The following ADCY1 variants were observed in gnomAD, a reference collection of about 807,000 sequenced individuals.
ADCY1 encodes adenylate cyclase type 1.
A neutral mutation model predicts 105.4 loss-of-function variants in ADCY1; 28 were observed. The observed-to-expected ratio is 0.27, with a 90% CI of 0.20 to 0.36. The LOEUF (loss-of-function observed/expected upper bound fraction) is 0.36, where lower values mean the gene tolerates loss of function less well. Among genes scored for constraint, ADCY1 ranks in the 10% least tolerant of loss-of-function variants. The pLI, the probability that ADCY1 is intolerant of heterozygous loss-of-function variation, is 1.00. For missense variants in ADCY1, 977 were observed against 1,434.2 expected, an observed-to-expected ratio of 0.68 and a Z score of 5.15; for synonymous variants, 655 against 623.8, an observed-to-expected ratio of 1.05 and a Z score of -0.75.
intron 17 of ADCY1, among the ~76,000 whole-genome samples, chr7:45,705,839 A>C (rs965037839): frequency 6.6e-6 from 1 of 152,212 alleles, no homozygotes; most frequent in East Asian, 1.9e-4. Context: ...CCTGGAACTA[A>C]GAAGCAATTA....
intron 8 of ADCY1, among the ~76,000 whole-genome samples, chr7:45,668,445 A>G (rs953658784): frequency 4.6e-5 from 7 of 152,190 alleles, no homozygotes; most frequent in African/African-American, 1.4e-4. Context: ...TGATTTGTGT[A>G]TGTTGAACCA....
Position 45,662,045 on chromosome 7 carries a change from G to C in ADCY1, c.1450-14G>C. Reference sequence around the variant, plus strand: ...TTCACAGCATTTCTCCTTGCCCCTTGTGTGTTTGGACAGATATTTCCAGGC... The same window carrying C: ...TTCACAGCATTTCTCCTTGCCCCTTCTGTGTTTGGACAGATATTTCCAGGC... On this transcript the variant is annotated splice_polypyrimidine_tract_variant and intron_variant, in intron 7 of 19. Coordinates refer to ENST00000297323, the MANE Select transcript of ADCY1 (RefSeq NM_021116.4). 1 of 1,611,300 alleles carries C rather than the reference G, an allele frequency of 6.2e-7. No individual in the cohort carries two copies. The highest frequency in any genetic ancestry group is 1.7e-5 in the Admixed American group (1 of 59,890).
chr7:45,578,176 A>G (rs868855556), intron 1 of ADCY1, among the ~76,000 whole-genome samples: 6 of 152,260 alleles, frequency 3.9e-5, no homozygotes, highest in Admixed American at 2.0e-4. Context: ...GTGCATGACT[A>G]TTAGCACAGG....
At chr7:45,694,128 A>C (rs1346678563) in intron 14 of ADCY1, among the ~76,000 whole-genome samples, 5 of 150,976 alleles carry the variant, frequency 3.3e-5, no homozygotes, top group Admixed American at 6.6e-5. Flanking sequence ...AAAAAAAAAA[A>C]AAAAAAAAAC....
At chr7:45,624,023 G>A (rs1793980928) in intron 4 of ADCY1, among the ~76,000 whole-genome samples, 1 of 152,214 alleles carries the variant, frequency 6.6e-6, no homozygotes, top group Non-Finnish European at 1.5e-5. Flanking sequence ...GTGAGAGGAA[G>A]GGGCAGTGAG....
rs770379093 is a variant in ADCY1 at position 45,692,129 on chromosome 7, C to A, written c.2454+5456C>A. ...ATCCTGCAGCACACTTCTATGGAAA[C>A]CTCCGAGGAGCCAAACCTTGGTGCG... is the stretch of plus-strand genomic sequence containing the variant. On this transcript the variant is annotated intron_variant, in intron 14 of 19. Coordinates refer to ENST00000297323, the MANE Select transcript of ADCY1 (RefSeq NM_021116.4). Among the ~76,000 whole-genome samples the A allele has an allele frequency of 3.5e-4, 54 of 152,192 alleles. 1 individual carries two copies. Among genetic ancestry groups the A allele is most frequent in the Non-Finnish European group, 1.3e-4 (9 of 68,030 alleles).
Position 45,647,985 on chromosome 7 carries a change from G to A in ADCY1, c.1021-685G>A, listed in dbSNP as rs926896952. On this transcript the variant is annotated intron_variant, in intron 4 of 19. Coordinates refer to ENST00000297323, the MANE Select transcript of ADCY1 (RefSeq NM_021116.4). This position sits in a 1 kb window ranked among gnomAD's most constrained non-coding sequence, Gnocchi z 4.6. ...CTGAAATAAACACAACAGTCGTGAT[G>A]ATAATCCCAGTTGACACTGATTGAT... Among the ~76,000 whole-genome samples the A allele has an allele frequency of 6.6e-6, 1 of 152,232 alleles. No individual in the cohort carries two copies. The highest frequency in any genetic ancestry group is 2.4e-5 in the African/African-American group (1 of 41,472).
At position 45,712,024 on chromosome 7, in the gene ADCY1, T is replaced by TTATATTAAATATATATTTTATATAA. The variant is rs1562736169; in HGVS notation, c.3057+1376_3057+1377insTTAAATATATATTTTATATAATATA. Reference sequence around the variant, plus strand: ...TTATATTAAATATATATTTTATATATTATACTAAATATATATTTTATATAA... The same window carrying TTATATTAAATATATATTTTATATAA: ...TTATATTAAATATATATTTTATATATTATATTAAATATATATTTTATATAATATACTAAATATATATTTTATATAA... On this transcript the variant is annotated intron_variant, in intron 19 of 19. Coordinates refer to ENST00000297323, the MANE Select transcript of ADCY1 (RefSeq NM_021116.4). 2.4e-4 allele frequency among the ~76,000 whole-genome samples: 29 copies of TTATATTAAATATATATTTTATATAA among 119,730 alleles called. 1 individual carries two copies. Among genetic ancestry groups the TTATATTAAATATATATTTTATATAA allele is most frequent in the Admixed American group, 1.8e-3 (18 of 9,892 alleles). 78.5% of individuals were successfully genotyped at this position (119,730 alleles called of 152,430 possible).
chr7:45,675,687 C>G (rs572241784), intron 8 of ADCY1, among the ~76,000 whole-genome samples: 1 of 151,868 alleles, frequency 6.6e-6, no homozygotes, highest in Non-Finnish European at 1.5e-5. Flanking sequence ...CCACTTTTTT[C>G]TGGCTTCCAT....
At chr7:45,704,158 A>G (rs1785059218) in intron 16 of ADCY1, among the ~76,000 whole-genome samples, 1 of 151,080 alleles carries the variant, frequency 6.6e-6, no homozygotes, top group Non-Finnish European at 1.5e-5. Context: ...GCCCTTGTCT[A>G]CAGATGGGCA....
At chr7:45,604,377 T>C (rs982052381) in intron 2 of ADCY1, among the ~76,000 whole-genome samples, 4 of 152,208 alleles carry the variant, frequency 2.6e-5, no homozygotes, top group African/African-American at 7.2e-5. Flanking sequence ...AATTCGCCAG[T>C]TTTTCCTTTT....
At chr7:45,620,775 G>T (rs1325272636) in intron 3 of ADCY1, among the ~76,000 whole-genome samples, 1 of 152,202 alleles carries the variant, frequency 6.6e-6, no homozygotes, top group African/African-American at 2.4e-5. Flanking sequence ...GAAGGCAGTG[G>T]AATGGCATGT....
chr7:45,683,948 T>C (rs1304098843), intron 11 of ADCY1, among the ~76,000 whole-genome samples: 4 of 152,200 alleles, frequency 2.6e-5, no homozygotes, highest in Non-Finnish European at 5.9e-5. Context: ...CACACCGAGC[T>C]CACGCCAGGT....
intron 8 of ADCY1, among the ~76,000 whole-genome samples, chr7:45,665,120 T>G (rs1200209782): frequency 1.3e-5 from 2 of 152,244 alleles, no homozygotes; most frequent in African/African-American, 4.8e-5. Context: ...TCATTCTTTT[T>G]TATGGCTGCA....
upstream of ADCY1, chr7:45,574,246 C>T: frequency 1.4e-6 from 1 of 699,462 alleles, no homozygotes; most frequent in Non-Finnish European, 1.8e-6. The surrounding 1 kb of genome is among the most constrained non-coding windows in gnomAD (Gnocchi z 7.0). Flanking sequence ...GGAGTTGGGG[C>T]GCGGGCTGTG....
intron 2 of ADCY1, among the ~76,000 whole-genome samples, chr7:45,603,346 T>C (rs1793289393): frequency 6.6e-6 from 1 of 152,238 alleles, no homozygotes; most frequent in Admixed American, 6.5e-5. Context: ...CTAGGTCTTG[T>C]GGTAACTCTA....
At chr7:45,700,153 G>T (rs1478590944) in intron 14 of ADCY1, among the ~76,000 whole-genome samples, 1 of 152,158 alleles carries the variant, frequency 6.6e-6, no homozygotes, top group African/African-American at 2.4e-5. Flanking sequence ...TGGTGTTTCT[G>T]CCCTCTTGAC....
intron 5 of ADCY1, among the ~76,000 whole-genome samples, chr7:45,655,164 C>T (rs1794904691): frequency 6.6e-6 from 1 of 152,164 alleles, no homozygotes; most frequent in Admixed American, 6.5e-5. Context: ...GTATGCTTAC[C>T]TGTCCTTTCA....
intron 1 of ADCY1, among the ~76,000 whole-genome samples, chr7:45,589,156 C>T (rs1280224459): frequency 6.6e-6 from 1 of 152,142 alleles, no homozygotes; most frequent in Non-Finnish European, 1.5e-5. Flanking sequence ...CACCTGGACT[C>T]CTGTCCTCGC....
Sources: allele counts gnomAD v4.1 joint callset (sites outside exome capture counted in the v4.1 genomes callset), GRCh38; gene constraint gnomAD v4.1.1; non-coding constraint Gnocchi (gnomAD v3.1); transcripts MANE v1.5; gene names NCBI Gene and HGNC (gene_info 2026-07-23, HGNC 2026-07-21).